The following SUGT1 variants were observed in gnomAD, a reference collection of about 807,000 sequenced individuals.
The protein encoded by SUGT1 is SGT1 assembly cochaperone of MIS12 kinetochore complex, also known as protein SGT1 homolog.
SUGT1 carries 15 observed loss-of-function variants against 56.1 expected under a neutral mutation model. That is an observed-to-expected ratio of 0.27 (90% CI 0.18 to 0.41). The LOEUF is 0.41. Ranked by LOEUF, SUGT1 falls within the 10% of genes least tolerant of loss-of-function variation. The probability of loss-of-function intolerance (pLI) is 1.00; values close to 1 mark genes in which losing one functional copy is unlikely to be tolerated. For synonymous variants in SUGT1, 123 were observed against 128.6 expected, an observed-to-expected ratio of 0.96 and a Z score of 0.30; for missense variants, 347 against 382.2, an observed-to-expected ratio of 0.91 and a Z score of 0.77.
At chr13:52,663,326 A>AGT (rs1195724195) in intron 7 of SUGT1, among the ~76,000 whole-genome samples, 1 of 152,190 alleles carries the variant, frequency 6.6e-6, no homozygotes, top group African/African-American at 2.4e-5. Flanking sequence ...TAATGAATTT[A>AGT]GTGTGTGGTT....
At chr13:52,681,657 A>C (rs770871119) in intron 12 of SUGT1, among the ~76,000 whole-genome samples, 49 of 151,952 alleles carry the variant, frequency 3.2e-4, no homozygotes, top group Admixed American at 6.6e-4. Flanking sequence ...AGCCTGGACA[A>C]TATGGTAAGT....
In SUGT1 at chr13:52,682,143, C is replaced by T. The variant is rs537106074; in HGVS notation, c.900+1988C>T. ...ATTAACTCTTTGCCTAGTCCTAGAT[C>T]TCAAAGACTCTCTCCTATTTAAAAA... is the stretch of plus-strand genomic sequence containing the variant. On this transcript the variant is annotated intron_variant, in intron 12 of 12. Transcript: ENST00000310528. Among the ~76,000 whole-genome samples, 176 of 152,170 alleles carry T rather than the reference C, an allele frequency of 1.2e-3. 1 individual carries two copies. Among genetic ancestry groups the T allele is most frequent in the African/African-American group, 4.1e-3 (172 of 41,512 alleles).
chr13:52,660,398 C>T (rs1273490612), intron 5 of SUGT1, among the ~76,000 whole-genome samples: 1 of 152,080 alleles, frequency 6.6e-6, no homozygotes. Flanking sequence ...AGGGGTGCTA[C>T]TAAATATTCT....
chr13:52,679,583 T>TA (rs34873210), intron 11 of SUGT1, among the ~76,000 whole-genome samples: 139,440 of 152,186 alleles, frequency 0.92, 64,131 homozygotes, highest in East Asian at 0.99. Flanking sequence ...AGGCATCCTT[T>TA]AAAAAATTTC....
At chr13:52,658,048 C>T in intron 3 of SUGT1, 1 of 1,172,438 alleles carries the variant, frequency 8.5e-7, no homozygotes, top group Middle Eastern at 2.6e-4. Flanking sequence ...ATAACAAGAC[C>T]ACCTGTATTT....
At position 52,687,893 on chromosome 13, in the gene SUGT1, G is replaced by C; in HGVS notation, c.*58G>C. 9.1e-7 allele frequency: 1 copy of C among 1,104,520 alleles called. No homozygotes were observed. Among genetic ancestry groups the C allele is most frequent in the Non-Finnish European group, 1.3e-6 (1 of 788,098 alleles). 68.4% of individuals were successfully genotyped at this position (1,104,520 alleles called of 1,614,324 possible). The stretch of plus-strand genomic sequence containing the variant: ...ATTCACCTAATGCCCATTGTGTATT[G>C]ATATTGCATTCTTGAATTTTGAACA... On this transcript the variant is annotated 3_prime_UTR_variant, in exon 13 of 13. Coordinates refer to ENST00000310528, the MANE Select transcript of SUGT1 (RefSeq NM_006704.5).
intron 2 of SUGT1, among the ~76,000 whole-genome samples, chr13:52,655,981 G>A (rs370168523): frequency 2.0e-5 from 3 of 152,186 alleles, no homozygotes; most frequent in African/African-American, 7.2e-5. Context: ...GAGAACATTA[G>A]TTTTTAAGAG....
At chr13:52,663,041 C>T (rs1466692606) in intron 6 of SUGT1, 55 bp from the exon 7 acceptor site, 67 of 1,578,154 alleles carry the variant, frequency 4.2e-5, no homozygotes, top group Non-Finnish European at 5.7e-5. Context: ...ATACAAATAA[C>T]TTTGCTTAAA....
rs1963890124 is a variant in SUGT1, at chr13:52,695,104, A to G, written c.*7269A>G. On this transcript the variant is annotated 3_prime_UTR_variant, in exon 13 of 13. Coordinates refer to ENST00000310528, the MANE Select transcript of SUGT1 (RefSeq NM_006704.5). ...TAATATGGGCTCACTGTCAGCTGGG[A>G]GTTCTCACAACTACCACTTTTTACT... is the stretch of plus-strand genomic sequence containing the variant. The G allele has an allele frequency of 6.6e-6, 1 of 152,194 alleles. No individual in the cohort carries two copies. Among genetic ancestry groups the G allele is most frequent in the Admixed American group, 6.5e-5 (1 of 15,280 alleles). 9.4% of individuals were successfully genotyped at this position (152,194 alleles called of 1,614,324 possible). A position where few individuals can be genotyped will look rare whatever the true frequency, so the allele number is the denominator to read the frequency against.
chr13:52,663,026 A>T, intron 6 of SUGT1, 70 bp from the exon 7 acceptor site: 1 of 1,528,196 alleles, frequency 6.5e-7, no homozygotes, highest in East Asian at 2.3e-5. Flanking sequence ...TGTGCTATAG[A>T]AATCATACAA....
In SUGT1 at chr13:52,690,651, T is replaced by C. The variant is rs1963750006; in HGVS notation, c.*2816T>C. 6.6e-6 allele frequency: 1 copy of C among 152,186 alleles called. No individual in the cohort carries two copies. The highest frequency in any genetic ancestry group is 1.5e-5 in the Non-Finnish European group (1 of 68,038). The allele number at this position is 152,186 out of a possible 1,614,324, so 9.4% of individuals were successfully genotyped here. On this transcript the variant is annotated 3_prime_UTR_variant, in exon 13 of 13. Coordinates refer to ENST00000310528, the MANE Select transcript of SUGT1 (RefSeq NM_006704.5). ...GAACTCTGCTATCTAGTAATCTCTT[T>C]AGATATCTATACCACAAGTTTGAAA... is the stretch of plus-strand genomic sequence containing the variant.
At chr13:52,679,063 A>AT (rs1426627872) in intron 11 of SUGT1, among the ~76,000 whole-genome samples, 1 of 152,174 alleles carries the variant, frequency 6.6e-6, no homozygotes, top group Non-Finnish European at 1.5e-5. Context: ...ATTTCACCTG[A>AT]TTCTTTTTAG....
intron 9 of SUGT1, 22 bp from the exon 10 acceptor site, chr13:52,666,790 A>G (rs2138132986): frequency 6.7e-7 from 1 of 1,497,448 alleles, no homozygotes; most frequent in African/African-American, 1.4e-5. Context: ...ACAAAATGTG[A>G]TGCTAATTTT....
intron 11 of SUGT1, among the ~76,000 whole-genome samples, chr13:52,677,507 A>G (rs1255442272): frequency 6.6e-6 from 1 of 152,346 alleles, no homozygotes; most frequent in East Asian, 1.9e-4. Flanking sequence ...TGAGGTTTAT[A>G]TGTAGCTGAA....
At position 52,695,389 on chromosome 13, in the gene SUGT1, C is replaced by A. The variant is rs1236744821; in HGVS notation, c.*7554C>A. The A allele has an allele frequency of 6.6e-6, 1 of 151,992 alleles. No homozygotes were observed. The highest frequency in any genetic ancestry group is 1.5e-5 in the Non-Finnish European group (1 of 67,996). 9.4% of individuals were successfully genotyped at this position (151,992 alleles called of 1,614,324 possible). ...TTATGAATCTAGACTCTTAAAATCC[C>A]AGTTCTGATACTTTCATAATTGTGT... On this transcript the variant is annotated 3_prime_UTR_variant, in exon 13 of 13. Transcript: ENST00000310528.
intron 12 of SUGT1, among the ~76,000 whole-genome samples, chr13:52,681,156 T>C (rs994204987): frequency 6.6e-6 from 1 of 151,770 alleles, no homozygotes; most frequent in African/African-American, 2.4e-5. Context: ...GATTAAAAAA[T>C]TTTTTTTCAT....
intron 3 of SUGT1, chr13:52,657,960 G>C: frequency 2.0e-6 from 1 of 512,424 alleles, no homozygotes; most frequent in Non-Finnish European, 2.9e-6. Flanking sequence ...GGTGGCTCAC[G>C]CCTGTAATCC....
intron 6 of SUGT1, among the ~76,000 whole-genome samples, 190 bp downstream of exon 6, chr13:52,662,892 A>G (rs973403244): frequency 2.0e-5 from 3 of 152,120 alleles, no homozygotes; most frequent in Non-Finnish European, 4.4e-5. Flanking sequence ...ATTTGGGTGG[A>G]TTTGCTTGTA....
At chr13:52,677,755 C>T (rs181114128) in intron 11 of SUGT1, among the ~76,000 whole-genome samples, 175 of 144,098 alleles carry the variant, frequency 1.2e-3, no homozygotes, top group Non-Finnish European at 2.2e-3. Flanking sequence ...CATTTTCTAA[C>T]AATGGAAACA....
Sources: gnomAD v4.1 joint callset for allele counts (sites outside exome capture counted in the v4.1 genomes callset) on GRCh38, gnomAD v4.1.1 for gene constraint, MANE v1.5 for transcripts, NCBI Gene and HGNC (gene_info 2026-07-23, HGNC 2026-07-21) for gene names.